TCF3: variants seen among roughly 807,000 people sequenced by gnomAD.
The protein encoded by TCF3 is transcription factor 3.
A neutral mutation model predicts 72.3 loss-of-function variants in TCF3; 54 were observed. That is an observed-to-expected ratio of 0.75 (90% CI 0.60 to 0.94). The LOEUF is 0.94. TCF3 is among the 40% of genes least tolerant of loss of function. The pLI, the probability that TCF3 is intolerant of heterozygous loss-of-function variation, is 0.00. For missense variants in TCF3, 1,078 were observed against 934.4 expected (o/e 1.15, Z -2.00); for synonymous variants, 525 against 412.6 (o/e 1.27, Z -3.30).
At position 1,614,756 on chromosome 19, in the gene TCF3, GC is replaced by G. The variant is rs1195608369; in HGVS notation, c.1822+528del. 6.6e-6 allele frequency among the ~76,000 whole-genome samples: 1 copy of G among 152,076 alleles called. No homozygotes were observed. The highest frequency in any genetic ancestry group is 1.5e-5 in the Non-Finnish European group (1 of 67,998). On this transcript the variant is annotated intron_variant, in intron 18 of 18. Transcript: ENST00000262965. This position sits in a 1 kb window ranked among gnomAD's most constrained non-coding sequence, Gnocchi z 5.6. ...TCTGTCTGTATCCTTCCTCCCCCTG[GC>G]CCTGGGAAATGGGGGTGATAGGAAG...
intron 3 of TCF3, 24 bp downstream of exon 3, chr19:1,646,331 G>C: frequency 6.5e-7 from 1 of 1,548,986 alleles, no homozygotes; most frequent in Non-Finnish European, 8.7e-7. Context: ...CTCCACGAGC[G>C]CTGGCAGGAA....
rs2061923863 is a variant in TCF3, at chr19:1,619,549, C to T, written c.1168-75G>A. 2.7e-6 allele frequency: 4 copies of T among 1,503,058 alleles called. No individual in the cohort carries two copies. In the South Asian group the frequency reaches 3.9e-5, roughly 15 times the overall value. The allele number at this position is 1,503,058 out of a possible 1,614,324, so 93.1% of individuals were successfully genotyped here. A position where few individuals can be genotyped will look rare whatever the true frequency, so the allele number is the denominator to read the frequency against. Reference sequence around the variant, plus strand: ...CAGGCCTCCATTCATGTCCCTTCCGCATGCAAGTGGCCGGTGGTCCCATCT... The same window carrying T: ...CAGGCCTCCATTCATGTCCCTTCCGTATGCAAGTGGCCGGTGGTCCCATCT... On this transcript the variant is annotated intron_variant, in intron 14 of 18. Transcript: ENST00000262965.
chr19:1,648,825 G>C lies in TCF3; in HGVS notation c.72+1352C>G, dbSNP rs951458444. ...AACGCTGCCACTGGGCATGGGGGGG[G>C]GGGGGGAGCAGAATTTAAGGACATC... On this transcript the variant is annotated intron_variant, in intron 2 of 18. Coordinates refer to ENST00000262965, the MANE Select transcript of TCF3 (RefSeq NM_003200.5). Among the ~76,000 whole-genome samples the C allele has an allele frequency of 2.2e-4, 34 of 152,002 alleles. 2 individuals are homozygous for C. The highest frequency in any genetic ancestry group is 4.1e-4 in the South Asian group (2 of 4,822).
Position 1,621,158 on chromosome 19 carries a change from T to C in TCF3, c.989A>G (p.Asp330Gly). The C allele has an allele frequency of 6.5e-7, 1 of 1,539,326 alleles. No individual in the cohort carries two copies. ...SRGTTAGSSG[D>G]ALGKALASIY... Reference sequence around the variant, plus strand: ...CGAGGCCAGTGCTTTGCCGAGGGCATCCCCGGAGCTGCCAGCTGTGGTCCC... The same window carrying C: ...CGAGGCCAGTGCTTTGCCGAGGGCACCCCCGGAGCTGCCAGCTGTGGTCCC... Residue 330 changes from aspartate to glycine, a missense_variant, in exon 12 of 19, where the codon GAT (aspartate) becomes GGT (glycine). Asp to Gly is a moderately conservative substitution (Grantham distance 94, BLOSUM62 -1). Coordinates refer to ENST00000262965, the MANE Select transcript of TCF3 (RefSeq NM_003200.5).
chr19:1,651,513 C>T (rs963544743), intron 1 of TCF3, among the ~76,000 whole-genome samples: 3 of 152,192 alleles, frequency 2.0e-5, no homozygotes. Context: ...TTAAGACAGA[C>T]TTAGTTGGGG....
intron 1 of TCF3, among the ~76,000 whole-genome samples, chr19:1,651,633 G>A (rs910548702): frequency 3.9e-5 from 6 of 152,144 alleles, no homozygotes; most frequent in Admixed American, 3.3e-4. Context: ...CGGCGCCGAA[G>A]GCGGGGGGCG....
intron 5 of TCF3, among the ~76,000 whole-genome samples, chr19:1,630,165 TG>T (rs2063525341): frequency 6.6e-6 from 1 of 152,134 alleles, no homozygotes; most frequent in South Asian, 2.1e-4. Context: ...CTGCCCACCC[TG>T]GGGCCATCGG....
chr19:1,650,435 G>C (rs999811319), intron 1 of TCF3, 148 bp from the exon 2 acceptor site: 1 of 593,610 alleles, frequency 1.7e-6, no homozygotes. Context: ...TGGGGGCACG[G>C]GGAGCCCTGG....
intron 3 of TCF3, among the ~76,000 whole-genome samples, chr19:1,637,474 A>G (rs1256172717): frequency 6.6e-6 from 1 of 152,236 alleles, no homozygotes; most frequent in Non-Finnish European, 1.5e-5. Flanking sequence ...GTAACAACTC[A>G]GAGAAACAGG....
rs371876498 is a variant in TCF3, at chr19:1,623,382, C to CTT, written c.549+567_549+568dup. On this transcript the variant is annotated intron_variant, in intron 8 of 18. Coordinates refer to ENST00000262965, the MANE Select transcript of TCF3 (RefSeq NM_003200.5). ...GGAGCCCCAATTGCGGCACCCCCCG[C>CTT]TTTTTTTTTTTTTTTTTTTGAGACA... 2.1e-3 allele frequency among the ~76,000 whole-genome samples: 273 copies of CTT among 129,836 alleles called. 3 individuals carry two copies. The highest frequency in any genetic ancestry group is 7.3e-3 in the East Asian group (29 of 3,996). 85.2% of individuals were successfully genotyped at this position (129,836 alleles called of 152,430 possible). A position where few individuals can be genotyped will look rare whatever the true frequency, so the allele number is the denominator to read the frequency against.
chr19:1,613,680 C>A (rs2024503964), intron 18 of TCF3, among the ~76,000 whole-genome samples: 2 of 152,150 alleles, frequency 1.3e-5, no homozygotes, highest in Non-Finnish European at 2.9e-5. Context: ...CAAATCAGGG[C>A]TCACATGGAG....
chr19:1,643,558 C>G (rs951739160), intron 3 of TCF3, among the ~76,000 whole-genome samples: 1 of 152,074 alleles, frequency 6.6e-6, no homozygotes, highest in Non-Finnish European at 1.5e-5. Flanking sequence ...CTCAGTCACC[C>G]AGGCTGGAGC....
chr19:1,619,461 T>G lies in TCF3; in HGVS notation c.1181A>C (p.Glu394Ala). The G allele has an allele frequency of 6.3e-7, 1 of 1,579,666 alleles. No homozygotes were observed. Among genetic ancestry groups the G allele is most frequent in the Non-Finnish European group, 8.6e-7 (1 of 1,167,090 alleles). Residue 394 changes from glutamate to alanine, a missense_variant, in exon 15 of 19, where the codon GAA becomes GCA. Transcript: ENST00000262965. Reference protein sequence around the residue: ...GGLHGLQSKIEDHLDEAIHVL... With the variant: ...GGLHGLQSKIADHLDEAIHVL... ...GTGGATGGCCTCGTCCAGGTGGTCTTCTATCTTACTCTGCTGCAGGGTGGG... is the reference window on the plus strand; with the variant it reads ...GTGGATGGCCTCGTCCAGGTGGTCTGCTATCTTACTCTGCTGCAGGGTGGG...
Position 1,632,418 on chromosome 19 carries a change from CAGAG to C in TCF3, c.146-17_146-14del. 2.5e-6 allele frequency: 4 copies of C among 1,585,708 alleles called. No individual in the cohort carries two copies. Among genetic ancestry groups the C allele is most frequent in the African/African-American group, 2.7e-5 (2 of 74,564 alleles). Reference sequence around the variant, plus strand: ...CGGTCCTCAAGACCTGCAGGCAGGACAGAGAGAGTTATGGGTCACCCTCACGCCT... The same window carrying C: ...CGGTCCTCAAGACCTGCAGGCAGGACAGAGTTATGGGTCACCCTCACGCCT... On this transcript the variant is annotated splice_polypyrimidine_tract_variant and intron_variant, in intron 3 of 18. Coordinates refer to ENST00000262965, the MANE Select transcript of TCF3 (RefSeq NM_003200.5).
rs1599483806 is a variant in TCF3, at chr19:1,615,666, G to A, written c.1586+20C>T. 1 of 1,612,554 alleles carries A rather than the reference G, an allele frequency of 6.2e-7. No homozygotes were observed. The highest frequency in any genetic ancestry group is 8.5e-7 in the Non-Finnish European group (1 of 1,179,306). ...TCCTGATGGGGTGAGGGTGGGGAGT[G>A]CCGAGGGGTGGGTTGGCACCTGGTC... On this transcript the variant is annotated intron_variant, in intron 17 of 18. Coordinates refer to ENST00000262965, the MANE Select transcript of TCF3 (RefSeq NM_003200.5). This position sits in a 1 kb window ranked among gnomAD's most constrained non-coding sequence, Gnocchi z 7.3.
chr19:1,622,413 C>G lies in TCF3; in HGVS notation c.552G>C (p.Val184=). The G allele has an allele frequency of 1.4e-6, 2 of 1,446,942 alleles. No homozygotes were observed. Among genetic ancestry groups the G allele is most frequent in the South Asian group, 1.4e-5 (1 of 71,388 alleles). 89.6% of individuals were successfully genotyped at this position (1,446,942 alleles called of 1,614,324 possible). ...AGTCCTCACCTGAGCTGGGTGGGTA[C>G]ACCTGCGGGCGGGTGGGCGGTGGGG... ...RKVPPGLPSS[V]YPPSSGEDYG... The change falls in exon 9 of 19, where the codon GTG becomes GTC. Residue 184 remains valine, a splice_region_variant and synonymous_variant. Coordinates refer to ENST00000262965, the MANE Select transcript of TCF3 (RefSeq NM_003200.5).
At chr19:1,641,688 T>C (rs937550001) in intron 3 of TCF3, among the ~76,000 whole-genome samples, 3 of 151,952 alleles carry the variant, frequency 2.0e-5, no homozygotes, top group African/African-American at 7.3e-5. Context: ...CCTGGCCTCA[T>C]GTGATCCACA....
At position 1,632,330 on chromosome 19, in the gene TCF3, A is replaced by T; in HGVS notation, c.219+2T>A. 1 of 1,582,268 alleles carries T rather than the reference A, an allele frequency of 6.3e-7. No homozygotes were observed. Among genetic ancestry groups the T allele is most frequent in the Non-Finnish European group, 8.6e-7 (1 of 1,164,160 alleles). On this transcript the variant is annotated splice_donor_variant, in intron 4 of 18. Coordinates refer to ENST00000262965, the MANE Select transcript of TCF3 (RefSeq NM_003200.5). LOFTEE classifies it high-confidence loss of function. ...GGTCTCAGGCCTCACGGGGACTCCT[A>T]CCCGGCTGGGGTCAAAGGAGGAGCT...
chr19:1,629,705 C>T (rs989803925), intron 5 of TCF3, among the ~76,000 whole-genome samples: 2 of 152,342 alleles, frequency 1.3e-5, no homozygotes, highest in African/African-American at 4.8e-5. Context: ...CTGGCTGACA[C>T]TGGGCACGGA....
Sources: allele counts gnomAD v4.1 joint callset (sites outside exome capture counted in the v4.1 genomes callset), GRCh38; gene constraint gnomAD v4.1.1; non-coding constraint Gnocchi (gnomAD v3.1); transcripts MANE v1.5; gene names NCBI Gene and HGNC (gene_info 2026-07-23, HGNC 2026-07-21).